GNG2: variants seen among roughly 807,000 people sequenced by gnomAD.
GNG2 encodes the protein guanine nucleotide-binding protein G(I)/G(S)/G(O) subunit gamma-2.
GNG2 carries 5 observed loss-of-function variants against 5.5 expected under a neutral mutation model. The observed-to-expected ratio is 0.91, with a 90% confidence interval of 0.48 to 1.92. The LOEUF is 1.92. Among genes scored for constraint, GNG2 ranks in the 30% most tolerant of loss-of-function variants. The pLI, the probability that GNG2 is intolerant of heterozygous loss-of-function variation, is 0.01. For missense variants in GNG2, 55 were observed against 88.4 expected (o/e 0.62, Z 1.52); for synonymous variants, 28 against 32.0 (o/e 0.88, Z 0.42).
At chr14:51,868,488 C>G (rs546605418) in intron 1 of GNG2, among the ~76,000 whole-genome samples, 5 of 152,062 alleles carry the variant, frequency 3.3e-5, no homozygotes, top group Non-Finnish European at 7.3e-5. Flanking sequence ...TGGGACTGTG[C>G]CTATGCTGGC....
At chr14:51,883,424 A>C (rs1884234470) in intron 2 of GNG2, among the ~76,000 whole-genome samples, 1 of 152,228 alleles carries the variant, frequency 6.6e-6, no homozygotes, top group Non-Finnish European at 1.5e-5. Context: ...ATTTCTTAGA[A>C]AATATCATGC....
chr14:51,889,596 A>G (rs1403078975), intron 2 of GNG2, among the ~76,000 whole-genome samples: 1 of 152,222 alleles, frequency 6.6e-6, no homozygotes, highest in African/African-American at 2.4e-5. Flanking sequence ...AAAAATAAAT[A>G]TTCAAGAGCA....
chr14:51,929,328 C>T (rs375408342), intron 2 of GNG2, among the ~76,000 whole-genome samples: 1 of 152,174 alleles, frequency 6.6e-6, no homozygotes, highest in Non-Finnish European at 1.5e-5. Flanking sequence ...TATCTACCCC[C>T]GATGGTGGAT....
chr14:51,868,942 C>T (rs2140117227), intron 1 of GNG2, among the ~76,000 whole-genome samples: 1 of 152,272 alleles, frequency 6.6e-6, no homozygotes, highest in South Asian at 2.1e-4. Context: ...GAATTAAATA[C>T]CATTCTTATT....
chr14:51,918,037 CA>C (rs34991244), intron 2 of GNG2, among the ~76,000 whole-genome samples: 13,456 of 93,764 alleles, frequency 0.14, 1,735 homozygotes, highest in African/African-American at 0.35. Context: ...AAAAACAAAC[CA>C]AAAAAAAAAA....
At chr14:51,863,783 C>G (rs1282097810) in intron 1 of GNG2, among the ~76,000 whole-genome samples, 1 of 152,136 alleles carries the variant, frequency 6.6e-6, no homozygotes, top group African/African-American at 2.4e-5. Flanking sequence ...CAATATTTGT[C>G]CTTTTGTGAC....
intron 3 of GNG2, among the ~76,000 whole-genome samples, chr14:51,953,384 T>C (rs538900349): frequency 1.3e-5 from 2 of 152,296 alleles, no homozygotes; most frequent in African/African-American, 4.8e-5. Flanking sequence ...AGGCCTATTA[T>C]TGACGCAAAC....
chr14:51,842,854 A>T (rs1881520227), intron 2 of GNG2, among the ~76,000 whole-genome samples: 1 of 151,966 alleles, frequency 6.6e-6, no homozygotes, highest in Non-Finnish European at 1.5e-5. Flanking sequence ...TAGTAGAGAT[A>T]GGGTTTTGCC....
At chr14:51,927,922 GTAC>G (rs913830379) in intron 2 of GNG2, among the ~76,000 whole-genome samples, 4 of 151,574 alleles carry the variant, frequency 2.6e-5, no homozygotes, top group African/African-American at 7.3e-5. Context: ...ATCCCCTTGT[GTAC>G]TTAGAATCCT....
At chr14:51,919,071 C>T (rs180857595) in intron 2 of GNG2, among the ~76,000 whole-genome samples, 70 of 152,214 alleles carry the variant, frequency 4.6e-4, no homozygotes, top group Non-Finnish European at 6.2e-4. Context: ...ATGATCTGCC[C>T]GCCTCAGCCT....
At chr14:51,865,020 G>A (rs1353510226) in intron 1 of GNG2, among the ~76,000 whole-genome samples, 1 of 152,096 alleles carries the variant, frequency 6.6e-6, no homozygotes, top group Non-Finnish European at 1.5e-5. Flanking sequence ...AGGAGAGCTG[G>A]GCAGAACAAT....
At chr14:51,919,103 G>A (rs550234134) in intron 2 of GNG2, among the ~76,000 whole-genome samples, 6 of 152,244 alleles carry the variant, frequency 3.9e-5, no homozygotes, top group South Asian at 2.1e-4. Flanking sequence ...GGCATTACAG[G>A]CATGAGCCAC....
chr14:51,966,015 C>G (rs983359561), intron 3 of GNG2, among the ~76,000 whole-genome samples: 1 of 151,746 alleles, frequency 6.6e-6, no homozygotes, highest in Admixed American at 6.6e-5. Flanking sequence ...TCAAGACCAG[C>G]CTGGCCAACG....
At chr14:51,914,941 T>C (rs1291836185) in intron 2 of GNG2, among the ~76,000 whole-genome samples, 1 of 152,220 alleles carries the variant, frequency 6.6e-6, no homozygotes, top group Non-Finnish European at 1.5e-5. Context: ...CTTTCTGTCA[T>C]GTACACTGTC....
intron 2 of GNG2, among the ~76,000 whole-genome samples, chr14:51,904,716 C>T (rs35277565): frequency 0.14 from 21,149 of 152,178 alleles, 2,745 homozygotes; most frequent in African/African-American, 0.35. Flanking sequence ...CAAAAACAAG[C>T]GCAACATCAA....
intron 2 of GNG2, among the ~76,000 whole-genome samples, chr14:51,933,662 G>T (rs941188965): frequency 4.1e-4 from 62 of 152,336 alleles, no homozygotes; most frequent in African/African-American, 1.5e-3. Context: ...GAGAGCCGCT[G>T]CTCGAGTGAA....
At chr14:51,951,871 C>G (rs1888994999) in intron 3 of GNG2, 3 of 701,894 alleles carry the variant, frequency 4.3e-6, no homozygotes, top group Non-Finnish European at 7.8e-6. Context: ...AATATTTATT[C>G]TCTGGTGTTT....
chr14:51,853,676 T>A (rs1025950157), intron 2 of GNG2, among the ~76,000 whole-genome samples: 8 of 152,354 alleles, frequency 5.3e-5, no homozygotes, highest in Non-Finnish European at 1.0e-4. Context: ...TTGGAGTTAT[T>A]ATTGTATAGC....
chr14:51,919,093 G>A lies in GNG2; in HGVS notation c.-29-31557G>A, dbSNP rs749484628. On this transcript the variant is annotated intron_variant, in intron 2 of 3. Transcript: ENST00000556766. ...GCCCGCCTCAGCCTCCCAAAGTGCT[G>A]GCATTACAGGCATGAGCCACCGCGT... Among the ~76,000 whole-genome samples the A allele has an allele frequency of 9.9e-5, 15 of 152,122 alleles. 1 individual carries two copies. The highest frequency in any genetic ancestry group is 1.9e-4 in the Non-Finnish European group (13 of 68,036).
Sources: allele counts gnomAD v4.1 joint callset (sites outside exome capture counted in the v4.1 genomes callset), GRCh38; gene constraint gnomAD v4.1.1; transcripts MANE v1.5; gene names NCBI Gene and HGNC (gene_info 2026-07-23, HGNC 2026-07-21).